LRRC37A2: variants seen among roughly 807,000 people sequenced by gnomAD.
LRRC37A2 encodes the protein leucine rich repeat containing 37 member A2, also known as leucine-rich repeat-containing protein 37A2.
In LRRC37A2, 9 loss-of-function variants were observed where a neutral mutation model predicts 68.8. That is an observed-to-expected ratio of 0.13 (90% CI 0.08 to 0.23). The LOEUF (loss-of-function observed/expected upper bound fraction) is 0.23, where lower values mean the gene tolerates loss of function less well. Ranked by LOEUF, LRRC37A2 falls within the 10% of genes least tolerant of loss-of-function variation. LRRC37A2 has a pLI of 1.00. For missense variants in LRRC37A2, 168 were observed against 950.4 expected, an observed-to-expected ratio of 0.18 and a Z score of 10.82; for synonymous variants, 63 against 367.6, an observed-to-expected ratio of 0.17 and a Z score of 9.48.
At chr17:46,821,475 A>G in the LRRC37A2 span, among the ~76,000 whole-genome samples, 30 of 152,124 alleles carry the variant, frequency 2.0e-4, no homozygotes, top group African/African-American at 6.3e-4. Context: ...CATCACAGAT[A>G]GAAACACCCT....
the LRRC37A2 span, among the ~76,000 whole-genome samples, chr17:46,997,337 G>T: frequency 6.6e-6 from 1 of 152,038 alleles, no homozygotes; most frequent in Non-Finnish European, 1.5e-5. Context: ...AAGTGATAGA[G>T]TGAGACTCTG....
At chr17:46,872,473 C>T in the LRRC37A2 span, 3 of 1,444,948 alleles carry the variant, frequency 2.1e-6, no homozygotes, top group Admixed American at 5.1e-5. Flanking sequence ...CCCCTCACCA[C>T]CATCCCCAAG....
At chr17:46,729,459 G>A in the LRRC37A2 span, among the ~76,000 whole-genome samples, 4 of 152,112 alleles carry the variant, frequency 2.6e-5, no homozygotes, top group Admixed American at 2.6e-4. Flanking sequence ...CTTGATTCCT[G>A]TGTTTGCATT....
At chr17:46,769,784 G>C in the LRRC37A2 span, 1 of 1,610,612 alleles carries the variant, frequency 6.2e-7, no homozygotes, top group Non-Finnish European at 8.5e-7. Flanking sequence ...CGGGCTCACC[G>C]TGCGGCCCGC....
the LRRC37A2 span, among the ~76,000 whole-genome samples, chr17:46,730,274 TTTC>T: frequency 6.6e-6 from 1 of 152,178 alleles, no homozygotes; most frequent in Non-Finnish European, 1.5e-5. Flanking sequence ...TGTGAGACTT[TTTC>T]TAGGCATTTA....
chr17:46,896,402 G>GA, the LRRC37A2 span, among the ~76,000 whole-genome samples: 3 of 64,728 alleles, frequency 4.6e-5, no homozygotes, highest in African/African-American at 3.7e-4. Context: ...GAGAAAGAAA[G>GA]AAAGAAAGAA....
the LRRC37A2 span, among the ~76,000 whole-genome samples, chr17:46,857,251 T>G: frequency 6.6e-6 from 1 of 152,160 alleles, no homozygotes; most frequent in South Asian, 2.1e-4. Flanking sequence ...GGCAGATCAC[T>G]TGAGGTCTGG....
At chr17:46,388,418 C>T in the LRRC37A2 span, among the ~76,000 whole-genome samples, 4 of 67,048 alleles carry the variant, frequency 6.0e-5, no homozygotes, top group Admixed American at 2.9e-4. Context: ...AAAAATTAGC[C>T]GGGTGTGGTG....
chr17:46,922,320 T>C, the LRRC37A2 span, among the ~76,000 whole-genome samples: 1 of 151,432 alleles, frequency 6.6e-6, no homozygotes, highest in Non-Finnish European at 1.5e-5. Flanking sequence ...ACATCACACT[T>C]CGGGGCCTGT....
At chr17:46,866,219 G>A in the LRRC37A2 span, among the ~76,000 whole-genome samples, 2 of 152,202 alleles carry the variant, frequency 1.3e-5, no homozygotes, top group South Asian at 2.1e-4. Context: ...GTGTTGAGCA[G>A]CCACCCTCAA....
the LRRC37A2 span, chr17:46,762,773 G>A: frequency 1.3e-5 from 2 of 152,042 alleles, no homozygotes; most frequent in African/African-American, 2.4e-5. Flanking sequence ...TGACTACGGC[G>A]AGAATCATTA....
At chr17:46,680,226 T>C in the LRRC37A2 span, among the ~76,000 whole-genome samples, 7 of 151,104 alleles carry the variant, frequency 4.6e-5, no homozygotes, top group East Asian at 1.2e-3. Flanking sequence ...TTATCACATA[T>C]CAAGACTTAC....
the LRRC37A2 span, chr17:46,756,629 C>G: frequency 2.0e-5 from 3 of 152,616 alleles, no homozygotes; most frequent in Non-Finnish European, 2.9e-5. Flanking sequence ...ACAAACCTCT[C>G]AGCACTAATT....
At chr17:46,834,306 G>C in the LRRC37A2 span, among the ~76,000 whole-genome samples, 2 of 152,332 alleles carry the variant, frequency 1.3e-5, no homozygotes, top group Admixed American at 1.3e-4. Flanking sequence ...CCTGGGCAGT[G>C]GCTGGAGAAG....
the LRRC37A2 span, among the ~76,000 whole-genome samples, chr17:46,924,698 A>G: frequency 3.2e-4 from 48 of 152,358 alleles, no homozygotes; most frequent in East Asian, 4.6e-3. Context: ...TTGTAATGAC[A>G]GAATTTTCTT....
chr17:46,736,201 G>A, the LRRC37A2 span, among the ~76,000 whole-genome samples: 3 of 152,142 alleles, frequency 2.0e-5, no homozygotes. Context: ...GGGGATTAGG[G>A]ATTCCTGTTG....
At chr17:47,025,865 TA>T in the LRRC37A2 span, among the ~76,000 whole-genome samples, 9 of 116,602 alleles carry the variant, frequency 7.7e-5, no homozygotes, top group African/African-American at 3.0e-4. Context: ...ACGTTTCCTT[TA>T]AAATAGTTAT....
chr17:46,770,468 T>A, the LRRC37A2 span, among the ~76,000 whole-genome samples: 1 of 151,958 alleles, frequency 6.6e-6, no homozygotes, highest in African/African-American at 2.4e-5. Context: ...CTGAGTGAGA[T>A]CCAGGTCTGT....
the LRRC37A2 span, chr17:46,941,449 A>T: frequency 1.0e-6 from 1 of 983,990 alleles, no homozygotes; most frequent in African/African-American, 1.7e-5. Flanking sequence ...ATTCTCAAAC[A>T]CTGCTCCATG....
Sources: gnomAD v4.1 joint callset for allele counts (sites outside exome capture counted in the v4.1 genomes callset) on GRCh38, gnomAD v4.1.1 for gene constraint, MANE v1.5 for transcripts, NCBI Gene and HGNC (gene_info 2026-07-23, HGNC 2026-07-21) for gene names.